The following CDH13 variants were observed in gnomAD, a reference collection of about 807,000 sequenced individuals.
The protein encoded by CDH13 is cadherin 13.
Under a neutral mutation model 63.8 loss-of-function variants are expected in CDH13, and 24 were observed. That is an observed-to-expected ratio of 0.38 (90% CI 0.27 to 0.53). The LOEUF (loss-of-function observed/expected upper bound fraction) is 0.53, where lower values mean the gene tolerates loss of function less well. CDH13 is among the 20% of genes least tolerant of loss of function. The pLI is 0.85. For synonymous variants in CDH13, 503 were observed against 355.3 expected, an observed-to-expected ratio of 1.42 and a Z score of -4.67; for missense variants, 1,049 against 903.1, an observed-to-expected ratio of 1.16 and a Z score of -2.07.
intron 2 of CDH13, among the ~76,000 whole-genome samples, chr16:83,021,593 T>C (rs573256506): frequency 2.0e-4 from 31 of 152,342 alleles, no homozygotes; most frequent in African/African-American, 6.3e-4. Context: ...TGCTGAAGAT[T>C]GTTGGACTGT....
At chr16:83,053,361 A>G (rs11150535) in intron 3 of CDH13, among the ~76,000 whole-genome samples, 78,824 of 151,858 alleles carry the variant, frequency 0.52, 21,060 homozygotes, top group Admixed American at 0.65. Flanking sequence ...TTGGCTTTCT[A>G]TATGTCTTCA....
chr16:83,384,414 G>A (rs538091791), intron 6 of CDH13, among the ~76,000 whole-genome samples: 18 of 152,264 alleles, frequency 1.2e-4, no homozygotes, highest in African/African-American at 3.9e-4. Flanking sequence ...ATAGACTACC[G>A]AGGCGAATTT....
chr16:82,686,038 A>C (rs559889614), intron 1 of CDH13, among the ~76,000 whole-genome samples: 1 of 152,030 alleles, frequency 6.6e-6, no homozygotes, highest in Non-Finnish European at 1.5e-5. Flanking sequence ...GTGAATTACA[A>C]TTTTTTCTCC....
At chr16:83,271,264 T>C (rs547983612) in intron 5 of CDH13, among the ~76,000 whole-genome samples, 147 of 151,156 alleles carry the variant, frequency 9.7e-4, no homozygotes, top group African/African-American at 3.1e-3. Flanking sequence ...TAAAACTTGC[T>C]CATCTTCTTG....
At chr16:83,238,742 T>A (rs1326966730) in intron 5 of CDH13, among the ~76,000 whole-genome samples, 1 of 9,962 alleles carries the variant, frequency 1.0e-4, no homozygotes, top group East Asian at 0.17. Flanking sequence ...ATGTGTTTTT[T>A]TGTTTGTTTG....
chr16:83,039,619 T>C (rs956567290), intron 3 of CDH13, among the ~76,000 whole-genome samples: 2 of 152,174 alleles, frequency 1.3e-5, no homozygotes, highest in African/African-American at 4.8e-5. Context: ...CTTTCCCTTC[T>C]TCCTTCCTGT....
rs911789386 is a variant in CDH13 at position 83,140,547 on chromosome 16, A to G, written c.483+15046A>G. The stretch of plus-strand genomic sequence containing the variant: ...TGGCTCACTACAACCTCGCTGTCTC[A>G]GGTTCAAGTGATTTTCCTGCCTCAG... On this transcript the variant is annotated intron_variant, in intron 4 of 13. Transcript: ENST00000567109. Among the ~76,000 whole-genome samples the G allele has an allele frequency of 5.3e-5, 8 of 152,164 alleles. 1 individual carries two copies. The Middle Eastern group carries it at 0.01, about 194-fold the overall frequency.
At chr16:82,958,809 T>C (rs1352676608) in intron 2 of CDH13, among the ~76,000 whole-genome samples, 1 of 152,250 alleles carries the variant, frequency 6.6e-6, no homozygotes, top group Non-Finnish European at 1.5e-5. Context: ...AACAATGCGA[T>C]GCACGCCCTG....
chr16:82,852,112 G>C (rs908091088), intron 1 of CDH13, among the ~76,000 whole-genome samples: 1 of 152,206 alleles, frequency 6.6e-6, no homozygotes, highest in Admixed American at 6.5e-5. Flanking sequence ...TCTCAACCTC[G>C]TGAGATTAAT....
intron 8 of CDH13, among the ~76,000 whole-genome samples, chr16:83,619,342 T>G (rs1567809202): frequency 6.6e-6 from 1 of 152,140 alleles, no homozygotes; most frequent in African/African-American, 2.4e-5. Context: ...GGTAAAGTCA[T>G]AACAGAGGGG....
intron 1 of CDH13, among the ~76,000 whole-genome samples, chr16:82,840,700 A>G (rs949830827): frequency 1.3e-5 from 2 of 151,604 alleles, no homozygotes; most frequent in African/African-American, 2.4e-5. Flanking sequence ...AAAAAAAAAA[A>G]AAGAAAAAAA....
chr16:83,141,777 C>G (rs2036538952), intron 4 of CDH13, among the ~76,000 whole-genome samples: 1 of 152,168 alleles, frequency 6.6e-6, no homozygotes, highest in Non-Finnish European at 1.5e-5. Flanking sequence ...ATTTGGTTTT[C>G]TGTTCTGTCT....
intron 5 of CDH13, among the ~76,000 whole-genome samples, chr16:83,287,319 C>T (rs1049554781): frequency 5.3e-5 from 8 of 152,180 alleles, no homozygotes; most frequent in Admixed American, 3.3e-4. Flanking sequence ...TCCTCAACCA[C>T]GGGCCACAGG....
intron 2 of CDH13, among the ~76,000 whole-genome samples, chr16:82,935,885 G>A (rs1231280569): frequency 1.3e-5 from 2 of 152,174 alleles, no homozygotes; most frequent in African/African-American, 2.4e-5. Flanking sequence ...TTCCTCTATA[G>A]AGGAAGTGGT....
Position 83,152,630 on chromosome 16 carries a change from G to T in CDH13, c.483+27129G>T, listed in dbSNP as rs139126806. ...ATCTGGGACAGGTTTCAGAGTAAAA[G>T]AGGAAACCTTAGCAATAATATGGGA... On this transcript the variant is annotated intron_variant, in intron 4 of 13. Coordinates refer to ENST00000567109, the MANE Select transcript of CDH13 (RefSeq NM_001257.5). 1.1e-4 allele frequency among the ~76,000 whole-genome samples: 16 copies of T among 152,300 alleles called. No individual in the cohort carries two copies. The East Asian group carries it at 3.1e-3, about 29-fold the overall frequency.
chr16:83,251,973 G>C (rs1905592512), intron 5 of CDH13, among the ~76,000 whole-genome samples: 1 of 151,646 alleles, frequency 6.6e-6, no homozygotes, highest in African/African-American at 2.4e-5. Flanking sequence ...GACCCTTATA[G>C]GTCAGCAGTG....
At chr16:82,652,864 C>G (rs1050871354) in intron 1 of CDH13, among the ~76,000 whole-genome samples, 80 of 152,166 alleles carry the variant, frequency 5.3e-4, no homozygotes, top group Non-Finnish European at 7.3e-5. Context: ...GCACATTTAA[C>G]AAAGACCAGA....
chr16:83,094,258 C>T (rs888444247), intron 3 of CDH13, among the ~76,000 whole-genome samples: 1 of 152,156 alleles, frequency 6.6e-6, no homozygotes, highest in African/African-American at 2.4e-5. Context: ...CTGCTTTGCC[C>T]TCTTTGTCAT....
chr16:82,718,865 G>A (rs190464571), intron 1 of CDH13, among the ~76,000 whole-genome samples: 15 of 152,238 alleles, frequency 9.9e-5, no homozygotes, highest in Admixed American at 2.6e-4. Flanking sequence ...AAATTTGGAT[G>A]GGGACACAGC....
Sources: allele counts gnomAD v4.1 joint callset (sites outside exome capture counted in the v4.1 genomes callset), GRCh38; gene constraint gnomAD v4.1.1; transcripts MANE v1.5; gene names NCBI Gene and HGNC (gene_info 2026-07-23, HGNC 2026-07-21).